Variants in KIRREL1 observed in about 807,000 individuals in gnomAD.
KIRREL1 encodes kin of IRRE-like protein 1.
A neutral mutation model predicts 83.3 loss-of-function variants in KIRREL1; 25 were observed. That is an observed-to-expected ratio of 0.30 (90% CI 0.22 to 0.42). The LOEUF (loss-of-function observed/expected upper bound fraction) is 0.42, where lower values mean the gene tolerates loss of function less well. Among genes scored for constraint, KIRREL1 ranks in the 10% least tolerant of loss-of-function variants. The probability of loss-of-function intolerance (pLI) is 1.00; values close to 1 mark genes in which losing one functional copy is unlikely to be tolerated. For synonymous variants in KIRREL1, 388 were observed against 410.4 expected, an observed-to-expected ratio of 0.95 and a Z score of 0.66; for missense variants, 812 against 1,032.3, an observed-to-expected ratio of 0.79 and a Z score of 2.92.
At chr1:158,090,430 G>T (rs1052921666) in intron 10 of KIRREL1, among the ~76,000 whole-genome samples, 3 of 152,078 alleles carry the variant, frequency 2.0e-5, no homozygotes, top group Admixed American at 6.5e-5. Context: ...ACTATTAACT[G>T]TCAAACCCCT....
chr1:158,038,424 T>A (rs1195568206), intron 1 of KIRREL1, among the ~76,000 whole-genome samples: 1 of 150,658 alleles, frequency 6.6e-6, no homozygotes, highest in Non-Finnish European at 1.5e-5. Context: ...ATGTTAAAGA[T>A]GAAGCAGAGT....
At chr1:158,054,236 A>AAG (rs1558004730) in intron 1 of KIRREL1, among the ~76,000 whole-genome samples, 6 of 146,428 alleles carry the variant, frequency 4.1e-5, no homozygotes, top group African/African-American at 1.5e-4. Context: ...AAAAAAAAAA[A>AAG]AGAGAAGAAA....
chr1:158,093,772 C>T lies in KIRREL1; in HGVS notation c.1719+10C>T, dbSNP rs753403792. On this transcript the variant is annotated intron_variant, in intron 13 of 14. Coordinates refer to ENST00000359209, the MANE Select transcript of KIRREL1 (RefSeq NM_018240.7). ...GAAGGCCATCTACTCGGTGAGGGTC[C>T]TGCTCCTCTCTGGCCTCCTGCCTTC... 7.4e-5 allele frequency: 120 copies of T among 1,613,810 alleles called. 1 individual carries two copies. The highest frequency in any genetic ancestry group is 8.7e-5 in the Non-Finnish European group (103 of 1,179,946).
chr1:158,074,562 T>G (rs1232632818), intron 1 of KIRREL1, among the ~76,000 whole-genome samples: 1 of 152,118 alleles, frequency 6.6e-6, no homozygotes, highest in African/African-American at 2.4e-5. Context: ...ATCATGGACA[T>G]TACCCCTGAT....
chr1:158,037,043 C>T (rs1439151326), intron 1 of KIRREL1, among the ~76,000 whole-genome samples: 1 of 152,176 alleles, frequency 6.6e-6, no homozygotes, highest in African/African-American at 2.4e-5. Context: ...CTTTGGTTCT[C>T]CTATGTTAAA....
chr1:157,996,154 G>A (rs375941395), intron 1 of KIRREL1, among the ~76,000 whole-genome samples: 2 of 151,870 alleles, frequency 1.3e-5, no homozygotes, highest in Non-Finnish European at 2.9e-5. Flanking sequence ...GGGAAGGGGA[G>A]ATTCAGCCTA....
chr1:158,082,789 G>A (rs763668297), intron 3 of KIRREL1, among the ~76,000 whole-genome samples: 3 of 151,974 alleles, frequency 2.0e-5, no homozygotes, highest in African/African-American at 4.8e-5. Context: ...GCAACATAGC[G>A]AAACCTCGTC....
chr1:158,090,010 C>T (rs1367233894), intron 10 of KIRREL1, among the ~76,000 whole-genome samples, 192 bp downstream of exon 10: 1 of 152,106 alleles, frequency 6.6e-6, no homozygotes, highest in Non-Finnish European at 1.5e-5. Context: ...TTATGTGTCC[C>T]TGAGCAGATC....
chr1:158,055,034 A>G (rs1168979197), intron 1 of KIRREL1, among the ~76,000 whole-genome samples: 2 of 152,100 alleles, frequency 1.3e-5, no homozygotes, highest in East Asian at 1.9e-4. Flanking sequence ...GCCATCCACC[A>G]TCAATCACCA....
intron 3 of KIRREL1, among the ~76,000 whole-genome samples, chr1:158,080,791 T>G (rs1428980409): frequency 6.6e-6 from 1 of 152,180 alleles, no homozygotes; most frequent in Non-Finnish European, 1.5e-5. Flanking sequence ...TGTCTTTCTC[T>G]TAAATTCTCA....
chr1:158,022,406 C>A (rs773250518), intron 1 of KIRREL1, among the ~76,000 whole-genome samples: 1 of 152,176 alleles, frequency 6.6e-6, no homozygotes, highest in African/African-American at 2.4e-5. Context: ...AACTGAAGAT[C>A]AGAGAAGGGA....
chr1:158,072,493 C>T (rs1661543817), intron 1 of KIRREL1, among the ~76,000 whole-genome samples: 1 of 152,134 alleles, frequency 6.6e-6, no homozygotes, highest in Admixed American at 6.5e-5. Context: ...GGCCCTACTA[C>T]AGCAGAAGTG....
rs145217553 is a variant in KIRREL1, at chr1:158,071,190, G to A, written c.53-4923G>A. Among the ~76,000 whole-genome samples the A allele has an allele frequency of 1.5e-4, 23 of 152,198 alleles. No homozygotes were observed. In the East Asian group the frequency reaches 3.3e-3, roughly 22 times the overall value. On this transcript the variant is annotated intron_variant, in intron 1 of 14. Transcript: ENST00000359209. ...CTGGATTTCTGTCGGCCCGGCCTGC[G>A]TCTTTTCCACGCTGGGCTCTTTCCT... is the stretch of plus-strand genomic sequence containing the variant.
chr1:158,046,901 G>C (rs1312579826), intron 1 of KIRREL1, among the ~76,000 whole-genome samples: 1 of 152,208 alleles, frequency 6.6e-6, no homozygotes, highest in Non-Finnish European at 1.5e-5. Flanking sequence ...AGCAGAGCAT[G>C]GAGGGGGTTG....
intron 3 of KIRREL1, among the ~76,000 whole-genome samples, chr1:158,082,613 C>T (rs577902725): frequency 2.6e-5 from 4 of 152,120 alleles, no homozygotes; most frequent in Non-Finnish European, 5.9e-5. Flanking sequence ...ACACTCCTCT[C>T]GAGTGTTCCC....
intron 1 of KIRREL1, among the ~76,000 whole-genome samples, chr1:157,995,535 A>G (rs1659170384): frequency 6.6e-6 from 1 of 152,016 alleles, no homozygotes; most frequent in African/African-American, 2.4e-5. Context: ...CTGGGTCAGT[A>G]TTGGTCTATG....
chr1:158,092,944 C>G (rs115990677), intron 11 of KIRREL1, among the ~76,000 whole-genome samples: 1 of 151,406 alleles, frequency 6.6e-6, no homozygotes, highest in Non-Finnish European at 1.5e-5. Flanking sequence ...TGAAAGATGT[C>G]GGAACACGGG....
intron 1 of KIRREL1, among the ~76,000 whole-genome samples, chr1:158,016,744 G>A (rs192079811): frequency 6.6e-6 from 1 of 152,230 alleles, no homozygotes. Context: ...AATCTCCAAA[G>A]TGAGGAACCT....
At chr1:158,053,083 A>G (rs1468937355) in intron 1 of KIRREL1, among the ~76,000 whole-genome samples, 1 of 152,200 alleles carries the variant, frequency 6.6e-6, no homozygotes. Context: ...GCCTACCTCC[A>G]ACAATGGGGA....
Sources: allele counts gnomAD v4.1 joint callset (sites outside exome capture counted in the v4.1 genomes callset), GRCh38; gene constraint gnomAD v4.1.1; transcripts MANE v1.5; gene names NCBI Gene and HGNC (gene_info 2026-07-23, HGNC 2026-07-21).